UBXN7: variants seen among roughly 807,000 people sequenced by gnomAD.
UBXN7 encodes the protein UBX domain protein 7.
Under a neutral mutation model 58.0 loss-of-function variants are expected in UBXN7, and 9 were observed. The ratio of observed to expected loss-of-function variants is 0.16; its 90% CI spans 0.09 to 0.27. UBXN7 has a LOEUF of 0.27. UBXN7 is among the 10% of genes least tolerant of loss of function. The pLI is 1.00. For synonymous variants in UBXN7, 208 were observed against 205.0 expected, an observed-to-expected ratio of 1.01 and a Z score of -0.12; for missense variants, 328 against 599.6, an observed-to-expected ratio of 0.55 and a Z score of 4.73.
rs780983094 is a variant in UBXN7, at chr3:196,362,395, C to T, written c.1127G>A (p.Gly376Glu). Residue 376 changes from glycine to glutamate, a missense_variant, in exon 9 of 11, where the codon GGA (glycine) becomes GAA (glutamate). By Grantham distance (98) the Gly-to-Glu change is moderately conservative. This residue lies in a region of UBXN7 where 66 missense variants were observed against 77.9 expected (regional missense o/e 0.85). Transcript: ENST00000296328. ...LTEPPVRTDPGTATNHQGLPA... is the reference protein window; with the variant it reads ...LTEPPVRTDPETATNHQGLPA... ...CAATCCTTGGTGGTTTGTGGCTGTT[C>T]CAGGATCAGTTCTGACTGGTGGCTC... 1.2e-5 allele frequency: 19 copies of T among 1,614,026 alleles called. No individual in the cohort carries two copies. The highest frequency in any genetic ancestry group is 1.5e-5 in the Non-Finnish European group (18 of 1,180,042).
chr3:196,365,175 G>A (rs577706257), intron 8 of UBXN7, among the ~76,000 whole-genome samples: 14 of 146,432 alleles, frequency 9.6e-5, no homozygotes, highest in South Asian at 2.1e-4. Flanking sequence ...AATTCTTATC[G>A]AAAAATTATA....
At chr3:196,369,312 A>C in intron 7 of UBXN7, 109 bp downstream of exon 7, 1 of 895,666 alleles carries the variant, frequency 1.1e-6, no homozygotes, top group Non-Finnish European at 1.8e-6. Flanking sequence ...ACCTTCACCT[A>C]AATTACTGCA....
chr3:196,431,571 C>G, intron 1 of UBXN7: 1 of 161,036 alleles, frequency 6.2e-6, no homozygotes, highest in Middle Eastern at 7.9e-4. Flanking sequence ...CCTATCTTAT[C>G]AGCAGGAGGC....
At chr3:196,384,758 C>T (rs990792912) in intron 5 of UBXN7, among the ~76,000 whole-genome samples, 7 of 152,112 alleles carry the variant, frequency 4.6e-5, no homozygotes, top group South Asian at 4.1e-4. Context: ...CAGCCCTTCA[C>T]GCTAAAAATT....
chr3:196,356,892 A>T (rs1728365995), intron 10 of UBXN7, 46 bp from the exon 11 acceptor site: 1 of 1,578,872 alleles, frequency 6.3e-7, no homozygotes. Flanking sequence ...GAAAAAGAGG[A>T]AAGAGCATAT....
intron 1 of UBXN7, among the ~76,000 whole-genome samples, chr3:196,419,932 C>T (rs1251618330): frequency 3.9e-5 from 6 of 152,130 alleles, no homozygotes; most frequent in African/African-American, 1.2e-4. Context: ...GCCAATAACA[C>T]TACCACTGAG....
In UBXN7 at chr3:196,350,771, T is replaced by A. The variant is rs973615727; in HGVS notation, c.*5914A>T. The A allele has an allele frequency of 1.3e-5, 2 of 152,248 alleles. No individual in the cohort carries two copies. The highest frequency in any genetic ancestry group is 4.8e-5 in the African/African-American group (2 of 41,472). 9.4% of individuals were successfully genotyped at this position (152,248 alleles called of 1,614,324 possible). On this transcript the variant is annotated 3_prime_UTR_variant, in exon 11 of 11. Transcript: ENST00000296328. Reference sequence around the variant, plus strand: ...AACAGGAGAAACCGATATATTGGTATGGTATTCTCTGTTGGGTTATCTGCA... The same window carrying A: ...AACAGGAGAAACCGATATATTGGTAAGGTATTCTCTGTTGGGTTATCTGCA...
At chr3:196,374,830 T>C (rs1728942948) in intron 5 of UBXN7, among the ~76,000 whole-genome samples, 1 of 122,244 alleles carries the variant, frequency 8.2e-6, no homozygotes, top group Non-Finnish European at 1.7e-5. Context: ...TGAGCCAAGA[T>C]CGTGCCATTG....
intron 5 of UBXN7, among the ~76,000 whole-genome samples, chr3:196,386,616 C>T (rs1257943872): frequency 6.6e-6 from 1 of 152,054 alleles, no homozygotes; most frequent in African/African-American, 2.4e-5. Context: ...TTCACAATTG[C>T]TACAAAGAGA....
At position 196,348,333 on chromosome 3, in the gene UBXN7, A is replaced by C. The variant is rs1482721514; in HGVS notation, c.*8352T>G. On this transcript the variant is annotated 3_prime_UTR_variant, in exon 11 of 11. Transcript: ENST00000296328. ...GAGAAGAGCTGCAGAAATCAACGGT[A>C]TCTCCTAGCACCATTGGAGAAAAGG... The C allele has an allele frequency of 6.6e-6, 1 of 152,166 alleles. No individual in the cohort carries two copies. Among genetic ancestry groups the C allele is most frequent in the Non-Finnish European group, 1.5e-5 (1 of 68,044 alleles). 9.4% of individuals were successfully genotyped at this position (152,166 alleles called of 1,614,324 possible).
In UBXN7 at chr3:196,432,357, C is replaced by G; in HGVS notation, c.43G>C (p.Gly15Arg). The stretch of plus-strand genomic sequence containing the variant: ...ATGGTGGTGAACTGTTGAATTAACC[C>G]CTTCAGCGCCGAGGACGCCGCGGAG... ...GGSAASSALK[G>R]LIQQFTTITG... Residue 15 changes from glycine to arginine, a missense_variant, in exon 1 of 11, where the codon GGG becomes CGG. Physicochemically the swap from Gly to Arg is moderately radical, Grantham distance 125 (BLOSUM62 -2). This residue lies in a region of UBXN7 where 106 missense variants were observed against 124.3 expected (regional missense o/e 0.85). Transcript: ENST00000296328. The G allele has an allele frequency of 6.3e-7, 1 of 1,599,912 alleles. No homozygotes were observed. The highest frequency in any genetic ancestry group is 8.5e-7 in the Non-Finnish European group (1 of 1,169,850).
rs1032328716 is a variant in UBXN7 at position 196,350,713 on chromosome 3, C to T, written c.*5972G>A. Reference sequence around the variant, plus strand: ...ACTGACACACAGGTGAGTCAAAAACCATAACCATCACTGAAATACCAAATC... The same window carrying T: ...ACTGACACACAGGTGAGTCAAAAACTATAACCATCACTGAAATACCAAATC... On this transcript the variant is annotated 3_prime_UTR_variant, in exon 11 of 11. Transcript: ENST00000296328. 1 of 148,844 alleles carries T rather than the reference C, an allele frequency of 6.7e-6. No individual in the cohort carries two copies. Among genetic ancestry groups the T allele is most frequent in the Non-Finnish European group, 1.5e-5 (1 of 67,020 alleles). 9.2% of individuals were successfully genotyped at this position (148,844 alleles called of 1,614,324 possible).
chr3:196,426,525 C>T (rs1730853034), intron 1 of UBXN7, among the ~76,000 whole-genome samples: 1 of 151,766 alleles, frequency 6.6e-6, no homozygotes. Context: ...TTAATATTAA[C>T]CCAAGAGAAA....
At chr3:196,411,843 T>C (rs1730338293) in intron 1 of UBXN7, among the ~76,000 whole-genome samples, 2 of 151,892 alleles carry the variant, frequency 1.3e-5, no homozygotes, top group South Asian at 4.1e-4. Flanking sequence ...TGACATGGAG[T>C]AGCTATAGCC....
chr3:196,393,294 T>C, intron 4 of UBXN7, among the ~76,000 whole-genome samples: 1 of 152,202 alleles, frequency 6.6e-6, no homozygotes, highest in Non-Finnish European at 1.5e-5. Flanking sequence ...GCATTTTAAG[T>C]GTTTATTCAC....
intron 5 of UBXN7, among the ~76,000 whole-genome samples, chr3:196,386,380 T>TAAAAAAAAAAAAAAAAAAAAACA (rs1729398376): frequency 1.7e-5 from 1 of 57,728 alleles, no homozygotes; most frequent in Non-Finnish European, 3.2e-5. Context: ...TAATAAACAC[T>TAAAAAAAAAAAAAAAAAAAAACA]AAAAAAAAAA....
Position 196,353,456 on chromosome 3 carries a change from C to G in UBXN7, c.*3229G>C, listed in dbSNP as rs1021700326. ...CAATTTCAAAAAAGTATTCCTCTCA[C>G]TTTTTTCCCACTAGTTTTCTTCTTC... On this transcript the variant is annotated 3_prime_UTR_variant, in exon 11 of 11. Coordinates refer to ENST00000296328, the MANE Select transcript of UBXN7 (RefSeq NM_015562.2). The G allele has an allele frequency of 3.3e-5, 5 of 151,202 alleles. No homozygotes were observed. Among genetic ancestry groups the G allele is most frequent in the African/African-American group, 1.2e-4 (5 of 41,172 alleles). The allele number at this position is 151,202 out of a possible 1,614,324, so 9.4% of individuals were successfully genotyped here.
intron 1 of UBXN7, among the ~76,000 whole-genome samples, chr3:196,428,469 AAG>A: frequency 6.6e-6 from 1 of 152,126 alleles, no homozygotes; most frequent in Non-Finnish European, 1.5e-5. Flanking sequence ...AAAAAAGAAA[AAG>A]AAATCTCAGA....
chr3:196,421,290 G>A (rs1444495047), intron 1 of UBXN7, among the ~76,000 whole-genome samples: 1 of 152,152 alleles, frequency 6.6e-6, no homozygotes, highest in Non-Finnish European at 1.5e-5. Context: ...CAGAGTTCCA[G>A]GCCCTGTTCT....
Sources: allele counts gnomAD v4.1 joint callset (sites outside exome capture counted in the v4.1 genomes callset), GRCh38; gene constraint gnomAD v4.1.1; regional missense constraint gnomAD v4.1.1; transcripts MANE v1.5; gene names NCBI Gene and HGNC (gene_info 2026-07-23, HGNC 2026-07-21).